Variants in RALGAPA2 observed in about 807,000 individuals in gnomAD.
RALGAPA2 encodes ral GTPase-activating protein subunit alpha-2.
RALGAPA2 carries 139 observed loss-of-function variants against 230.4 expected under a neutral mutation model. That is an observed-to-expected ratio of 0.60 (90% CI 0.53 to 0.69). The LOEUF (loss-of-function observed/expected upper bound fraction) is 0.69. RALGAPA2 is among the 30% of genes least tolerant of loss of function. RALGAPA2 has a pLI of 0.00. For synonymous variants in RALGAPA2, 847 were observed against 837.8 expected (o/e 1.01, Z -0.19); for missense variants, 2,163 against 2,276.0 (o/e 0.95, Z 1.01).
chr20:20,640,031 C>T, intron 6 of RALGAPA2, 131 bp from the exon 7 acceptor site: 2 of 664,520 alleles, frequency 3.0e-6, no homozygotes, highest in South Asian at 1.8e-5. Context: ...GAGGAGCACA[C>T]TCCAAGGCAG....
chr20:20,689,540 G>A (rs1384898319), intron 1 of RALGAPA2, among the ~76,000 whole-genome samples: 1 of 152,206 alleles, frequency 6.6e-6, no homozygotes, highest in Non-Finnish European at 1.5e-5. Context: ...TCCTTGGGAG[G>A]CTGAGGCAGG....
chr20:20,543,201 C>T (rs1271033515), intron 24 of RALGAPA2, among the ~76,000 whole-genome samples: 2 of 152,144 alleles, frequency 1.3e-5, no homozygotes, highest in African/African-American at 4.8e-5. Flanking sequence ...TGTGCCACCA[C>T]ACCCAGCTAG....
chr20:20,593,398 C>T (rs1251143198), intron 16 of RALGAPA2, among the ~76,000 whole-genome samples: 1 of 152,250 alleles, frequency 6.6e-6, no homozygotes, highest in Non-Finnish European at 1.5e-5. Context: ...TTTTAATCTA[C>T]TTACACATCC....
At chr20:20,513,376 T>C in intron 31 of RALGAPA2, 92 bp from the exon 32 acceptor site, 1 of 1,070,628 alleles carries the variant, frequency 9.3e-7, no homozygotes, top group Non-Finnish European at 1.2e-6. Context: ...AGGGGGCAGT[T>C]CCAATATGGT....
At chr20:20,680,897 T>C in intron 1 of RALGAPA2, 96 bp from the exon 2 acceptor site, 1 of 1,484,196 alleles carries the variant, frequency 6.7e-7, no homozygotes, top group Non-Finnish European at 8.9e-7. Flanking sequence ...GTACAACTAG[T>C]TTCATTCCCT....
intron 36 of RALGAPA2, among the ~76,000 whole-genome samples, chr20:20,490,894 A>T (rs796375199): frequency 2.1e-4 from 31 of 145,054 alleles, no homozygotes; most frequent in Middle Eastern, 3.5e-3. Context: ...ACACACACAC[A>T]CTCACACTCA....
At chr20:20,583,328 T>A in intron 19 of RALGAPA2, 102 bp from the exon 20 acceptor site, 2 of 1,243,558 alleles carry the variant, frequency 1.6e-6, no homozygotes, top group Non-Finnish European at 2.2e-6. Flanking sequence ...GCAGACACAG[T>A]AGGAATCATT....
At chr20:20,646,010 G>A (rs1250264266) in intron 4 of RALGAPA2, among the ~76,000 whole-genome samples, 1 of 149,962 alleles carries the variant, frequency 6.7e-6, no homozygotes, top group African/African-American at 2.4e-5. Flanking sequence ...CATAGCATGA[G>A]GACTGGTAAT....
chr20:20,673,888 A>T (rs2146775180), intron 3 of RALGAPA2, among the ~76,000 whole-genome samples: 1 of 152,248 alleles, frequency 6.6e-6, no homozygotes, highest in South Asian at 2.1e-4. Flanking sequence ...CCAAAAATGC[A>T]AACAAAATAT....
At chr20:20,676,790 C>T (rs1355193734) in intron 2 of RALGAPA2, among the ~76,000 whole-genome samples, 1 of 152,156 alleles carries the variant, frequency 6.6e-6, no homozygotes, top group Non-Finnish European at 1.5e-5. Flanking sequence ...TACCAAGCAT[C>T]GTGCTAAGTG....
rs2059609729 is a variant in RALGAPA2 at position 20,391,925 on chromosome 20, T to G, written c.*1364A>C. On this transcript the variant is annotated 3_prime_UTR_variant, in exon 40 of 40. Coordinates refer to ENST00000202677, the MANE Select transcript of RALGAPA2 (RefSeq NM_020343.4). The stretch of plus-strand genomic sequence containing the variant: ...AGGGCGTTGCTCTGTACCTGGCCGC[T>G]GTGAGAACAAAGCCTGCGCAGTGGC... The G allele has an allele frequency of 6.6e-6, 1 of 152,370 alleles. No individual in the cohort carries two copies. The highest frequency in any genetic ancestry group is 2.1e-4 in the South Asian group (1 of 4,836). 9.4% of individuals were successfully genotyped at this position (152,370 alleles called of 1,614,324 possible).
chr20:20,583,360 C>T, intron 19 of RALGAPA2, 134 bp from the exon 20 acceptor site: 1 of 1,008,964 alleles, frequency 9.9e-7, no homozygotes, highest in East Asian at 2.7e-5. Context: ...GCAGAACCTG[C>T]AGAACTTGAG....
At chr20:20,484,750 G>A (rs1048116262) in intron 36 of RALGAPA2, among the ~76,000 whole-genome samples, 12 of 152,124 alleles carry the variant, frequency 7.9e-5, no homozygotes, top group African/African-American at 2.7e-4. Flanking sequence ...ATAGACAAGG[G>A]GTTTAAAAGC....
intron 23 of RALGAPA2, among the ~76,000 whole-genome samples, chr20:20,554,682 T>C (rs910197954): frequency 1.3e-5 from 2 of 152,190 alleles, no homozygotes; most frequent in African/African-American, 2.4e-5. Context: ...TTTCATATTT[T>C]TGGTAGAGGT....
At chr20:20,601,940 A>G in intron 15 of RALGAPA2, 94 bp from the exon 16 acceptor site, 1 of 1,122,060 alleles carries the variant, frequency 8.9e-7, no homozygotes. Flanking sequence ...CTACAACTAT[A>G]TATAATCAGC....
intron 20 of RALGAPA2, among the ~76,000 whole-genome samples, chr20:20,581,867 T>C (rs909076829): frequency 6.6e-6 from 1 of 152,204 alleles, no homozygotes; most frequent in African/African-American, 2.4e-5. Context: ...TTTTAGCCTT[T>C]ATGTTAATCA....
chr20:20,606,904 T>A (rs536549449), intron 14 of RALGAPA2, among the ~76,000 whole-genome samples: 5 of 152,166 alleles, frequency 3.3e-5, no homozygotes, highest in African/African-American at 9.7e-5. Flanking sequence ...TCCAAATATA[T>A]CTTCCCTGAA....
chr20:20,515,712 A>C, intron 31 of RALGAPA2, among the ~76,000 whole-genome samples: 1 of 152,346 alleles, frequency 6.6e-6, no homozygotes, highest in Non-Finnish European at 1.5e-5. Context: ...ACCTGAATAT[A>C]TCTCACAGGG....
chr20:20,627,626 G>A (rs1232646973), intron 10 of RALGAPA2, among the ~76,000 whole-genome samples: 1 of 152,196 alleles, frequency 6.6e-6, no homozygotes, highest in Non-Finnish European at 1.5e-5. Flanking sequence ...TCACTCTCAT[G>A]TTGGTGAATC....
Sources: allele counts gnomAD v4.1 joint callset (sites outside exome capture counted in the v4.1 genomes callset), GRCh38; gene constraint gnomAD v4.1.1; transcripts MANE v1.5; gene names NCBI Gene and HGNC (gene_info 2026-07-23, HGNC 2026-07-21).